Variants in GLRA3 observed in about 807,000 individuals in gnomAD.
GLRA3 encodes the protein glycine receptor subunit alpha-3.
Under a neutral mutation model 60.4 loss-of-function variants are expected in GLRA3, and 44 were observed. The ratio of observed to expected loss-of-function variants is 0.73; its 90% confidence interval spans 0.57 to 0.94. The LOEUF is 0.94. GLRA3 is among the 40% of genes least tolerant of loss of function. The probability of loss-of-function intolerance (pLI) is 0.00; values close to 1 mark genes in which losing one functional copy is unlikely to be tolerated. For missense variants in GLRA3, 508 were observed against 564.6 expected (o/e 0.90, Z 1.02); for synonymous variants, 223 against 192.9 (o/e 1.16, Z -1.29).
chr4:174,703,754 C>T (rs191931182), intron 5 of GLRA3, among the ~76,000 whole-genome samples: 46 of 152,202 alleles, frequency 3.0e-4, no homozygotes, highest in Middle Eastern at 3.4e-3. Context: ...TGAAAATGAG[C>T]GGATTTATAT....
intron 5 of GLRA3, among the ~76,000 whole-genome samples, chr4:174,690,778 C>T (rs1297806055): frequency 6.6e-6 from 1 of 152,108 alleles, no homozygotes; most frequent in Non-Finnish European, 1.5e-5. Context: ...TTGCTTCCTG[C>T]AATTAGTTTG....
At chr4:174,683,036 A>G (rs1440358006) in intron 5 of GLRA3, 97 bp from the exon 6 acceptor site, 6 of 898,302 alleles carry the variant, frequency 6.7e-6, no homozygotes, top group Non-Finnish European at 8.8e-6. Context: ...GAGAAGACCA[A>G]ACAGTGTCAT....
intron 1 of GLRA3, among the ~76,000 whole-genome samples, chr4:174,814,062 G>T (rs538724193): frequency 2.0e-4 from 24 of 117,272 alleles, no homozygotes; most frequent in African/African-American, 5.4e-4. Flanking sequence ...CAGCATCAAG[G>T]GGGGGTATCC....
intron 9 of GLRA3, 103 bp downstream of exon 9, chr4:174,656,640 G>T (rs541454266): frequency 1.6e-5 from 10 of 625,680 alleles, no homozygotes; most frequent in African/African-American, 1.5e-4. Flanking sequence ...TACAAAAGGG[G>T]CTGTGTTTCC....
chr4:174,713,124 CTAT>C (rs1434586630), intron 5 of GLRA3, among the ~76,000 whole-genome samples: 3 of 152,026 alleles, frequency 2.0e-5, no homozygotes, highest in African/African-American at 7.2e-5. Context: ...AACAAAGTCT[CTAT>C]GGTTAGCTAA....
intron 3 of GLRA3, among the ~76,000 whole-genome samples, chr4:174,733,537 G>A (rs775425820): frequency 6.6e-6 from 1 of 152,244 alleles, no homozygotes; most frequent in South Asian, 2.1e-4. Flanking sequence ...CTATCAGCCA[G>A]TGCACCCAGA....
At chr4:174,811,998 C>T (rs915259055) in intron 1 of GLRA3, among the ~76,000 whole-genome samples, 1 of 151,952 alleles carries the variant, frequency 6.6e-6, no homozygotes, top group African/African-American at 2.4e-5. Context: ...AAAATAAGCA[C>T]AAAGCATGTT....
intron 4 of GLRA3, among the ~76,000 whole-genome samples, chr4:174,726,371 G>C (rs563051554): frequency 1.3e-5 from 2 of 152,326 alleles, no homozygotes; most frequent in South Asian, 4.1e-4. Context: ...CACCTGGTAA[G>C]ACTGGAAGTC....
At chr4:174,795,669 T>C (rs1281968480) in intron 1 of GLRA3, among the ~76,000 whole-genome samples, 3 of 152,172 alleles carry the variant, frequency 2.0e-5, no homozygotes, top group African/African-American at 4.8e-5. Context: ...ATCAAATATA[T>C]GGTATATATT....
At chr4:174,798,889 C>G (rs1290326067) in intron 1 of GLRA3, among the ~76,000 whole-genome samples, 1 of 151,910 alleles carries the variant, frequency 6.6e-6, no homozygotes, top group Admixed American at 6.6e-5. Context: ...CCACTGCACT[C>G]CAGCCTGGGC....
At chr4:174,670,712 A>G (rs1733872013) in intron 7 of GLRA3, among the ~76,000 whole-genome samples, 1 of 152,152 alleles carries the variant, frequency 6.6e-6, no homozygotes, top group South Asian at 2.1e-4. Context: ...CTTGATAATC[A>G]TTAATTTTTC....
rs1487569665 is a variant in GLRA3 at position 174,641,106 on chromosome 4, T to G, written c.*2680A>C. The G allele has an allele frequency of 1.3e-5, 2 of 152,124 alleles. No homozygotes were observed. The highest frequency in any genetic ancestry group is 2.9e-5 in the Non-Finnish European group (2 of 67,964). 9.4% of individuals were successfully genotyped at this position (152,124 alleles called of 1,614,324 possible). A position where few individuals can be genotyped will look rare whatever the true frequency, so the allele number is the denominator to read the frequency against. Reference sequence around the variant, plus strand: ...CTATGGAATCAAATATTTCAATGATTGACATACAAATAATTCTTTTTAAGA... The same window carrying G: ...CTATGGAATCAAATATTTCAATGATGGACATACAAATAATTCTTTTTAAGA... On this transcript the variant is annotated 3_prime_UTR_variant, in exon 10 of 10. Coordinates refer to ENST00000274093, the MANE Select transcript of GLRA3 (RefSeq NM_006529.4).
chr4:174,811,367 G>C (rs1212325755), intron 1 of GLRA3, among the ~76,000 whole-genome samples: 2 of 151,972 alleles, frequency 1.3e-5, no homozygotes, highest in East Asian at 3.9e-4. Context: ...AAAGGTCAGG[G>C]CACCCCCAGA....
In GLRA3 at chr4:174,728,561, A is replaced by T. The variant is rs766164782; in HGVS notation, c.405T>A (p.Asn135Lys). ...CTTCATGAAAGTTGGCACCCTTTTC[A>T]TTGGCAAAGAACAAATCAGGTTTCC... is the stretch of plus-strand genomic sequence containing the variant. Reference protein sequence around the residue: ...SIWKPDLFFANEKGANFHEVT... With the variant: ...SIWKPDLFFAKEKGANFHEVT... Residue 135 changes from asparagine to lysine, a missense_variant, in exon 4 of 10, where the codon AAT becomes AAA. This residue lies in a region of GLRA3 where 329 missense variants were observed against 349.3 expected (regional missense o/e 0.94). Transcript: ENST00000274093. The T allele has an allele frequency of 6.2e-7, 1 of 1,613,468 alleles. No individual in the cohort carries two copies. Among genetic ancestry groups the T allele is most frequent in the East Asian group, 2.2e-5 (1 of 44,870 alleles).
intron 1 of GLRA3, among the ~76,000 whole-genome samples, chr4:174,812,027 T>C: frequency 6.6e-6 from 1 of 152,178 alleles, no homozygotes; most frequent in Non-Finnish European, 1.5e-5. Context: ...AAACACTATA[T>C]ACATTTTATT....
At chr4:174,745,876 G>C (rs919056989) in intron 3 of GLRA3, among the ~76,000 whole-genome samples, 1 of 151,398 alleles carries the variant, frequency 6.6e-6, no homozygotes, top group Non-Finnish European at 1.5e-5. Context: ...CACAGAAGTG[G>C]CCAACACATA....
At chr4:174,797,767 A>G (rs1739628479) in intron 1 of GLRA3, among the ~76,000 whole-genome samples, 1 of 152,068 alleles carries the variant, frequency 6.6e-6, no homozygotes, top group Non-Finnish European at 1.5e-5. Context: ...CCTCTTCTCT[A>G]CAAAAAAATC....
chr4:174,760,846 T>C (rs1315906969), intron 3 of GLRA3, among the ~76,000 whole-genome samples: 9 of 152,150 alleles, frequency 5.9e-5, no homozygotes, highest in African/African-American at 9.7e-5. Flanking sequence ...CAAAGTAGAA[T>C]GGATAAATAT....
chr4:174,642,344 G>T lies in GLRA3; in HGVS notation c.*1442C>A, dbSNP rs1280107362. 1 of 975,820 alleles carries T rather than the reference G, an allele frequency of 1.0e-6. No individual in the cohort carries two copies. The highest frequency in any genetic ancestry group is 1.8e-5 in the African/African-American group (1 of 56,882). 60.4% of individuals were successfully genotyped at this position (975,820 alleles called of 1,614,324 possible). A position where few individuals can be genotyped will look rare whatever the true frequency, so the allele number is the denominator to read the frequency against. ...GTTCATTGTTTTCTTAATCTTTAAAGTTTTCTCTGTGAATAATTTGGTGGA... is the reference window on the plus strand; with the variant it reads ...GTTCATTGTTTTCTTAATCTTTAAATTTTTCTCTGTGAATAATTTGGTGGA... On this transcript the variant is annotated 3_prime_UTR_variant, in exon 10 of 10. Coordinates refer to ENST00000274093, the MANE Select transcript of GLRA3 (RefSeq NM_006529.4).
Sources: allele counts gnomAD v4.1 joint callset (sites outside exome capture counted in the v4.1 genomes callset), GRCh38; gene constraint gnomAD v4.1.1; regional missense constraint gnomAD v4.1.1; transcripts MANE v1.5; gene names NCBI Gene and HGNC (gene_info 2026-07-23, HGNC 2026-07-21).